Variants in NTAQ1 observed in about 807,000 individuals in gnomAD.
NTAQ1 encodes protein N-terminal glutamine amidohydrolase.
In NTAQ1, 21 loss-of-function variants were observed where a neutral mutation model predicts 28.2. The observed-to-expected ratio is 0.74, with a 90% CI of 0.53 to 1.07. The LOEUF is 1.07. NTAQ1 is among the 50% of genes least tolerant of loss of function. The pLI is 0.00. For missense variants in NTAQ1, 264 were observed against 256.6 expected, an observed-to-expected ratio of 1.03 and a Z score of -0.20; for synonymous variants, 105 against 90.0, an observed-to-expected ratio of 1.17 and a Z score of -0.94.
chr8:123,439,592 C>T (rs998647584), intron 5 of NTAQ1, among the ~76,000 whole-genome samples: 3 of 151,922 alleles, frequency 2.0e-5, no homozygotes, highest in South Asian at 2.1e-4. Context: ...GTGATCTGCC[C>T]GCCTCGGCCT....
At position 123,461,455 on chromosome 8, in the gene NTAQ1, A is replaced by G. The variant is rs555686304; in HGVS notation, c.373-5624A>G. On this transcript the variant is annotated intron_variant, in intron 6 of 6. Transcript: ENST00000650311. The stretch of plus-strand genomic sequence containing the variant: ...AACCCAATGCAGTTTCCAGATGATA[A>G]TATCTACACCCCGAGAGGTTATTTC... Among the ~76,000 whole-genome samples, 29 of 152,262 alleles carry G rather than the reference A, an allele frequency of 1.9e-4. No homozygotes were observed. In the South Asian group the frequency reaches 3.5e-3, roughly 19 times the overall value.
At chr8:123,449,158 A>G (rs1275565773), downstream of NTAQ1, among the ~76,000 whole-genome samples, 1 of 152,228 alleles carries the variant, frequency 6.6e-6, no homozygotes. Flanking sequence ...AACAGTGGAC[A>G]GCAGTGTTCT....
At position 123,441,373 on chromosome 8, in the gene NTAQ1, A is replaced by G. The variant is rs374504846; in HGVS notation, c.576A>G (p.Thr192=). Residue 192 remains threonine, a synonymous_variant, in exon 6 of 6, where the codon ACA becomes ACG. Transcript: ENST00000287387. ...AGGTAGGATGGGGCGCCGTCTACAC[A>G]CTATCCGAATTTACACATCGGTTTG... ...DPKVGWGAVY[T]LSEFTHRFGS... 11 of 1,612,078 alleles carry G rather than the reference A, an allele frequency of 6.8e-6. No homozygotes were observed. In the African/African-American group the frequency reaches 9.3e-5, roughly 14 times the overall value.
At chr8:123,464,538 C>A (rs1260036725) in intron 6 of NTAQ1, among the ~76,000 whole-genome samples, 1 of 152,188 alleles carries the variant, frequency 6.6e-6, no homozygotes, top group East Asian at 1.9e-4. Context: ...ACTCTCCCTC[C>A]CCAGGGGTAA....
At chr8:123,435,638 G>C (rs1223275924) in intron 3 of NTAQ1, 2 of 615,550 alleles carry the variant, frequency 3.2e-6, no homozygotes, top group South Asian at 7.2e-5. Flanking sequence ...AGGCTGAGGC[G>C]GGGGGATCAC....
At chr8:123,442,864 C>T (rs1429626656), downstream of NTAQ1, among the ~76,000 whole-genome samples, 1 of 148,188 alleles carries the variant, frequency 6.7e-6, no homozygotes, top group Non-Finnish European at 1.5e-5. Flanking sequence ...GACGTGGTTT[C>T]ACCACGTTGG....
chr8:123,449,353 G>A (rs751115337), downstream of NTAQ1, among the ~76,000 whole-genome samples: 9 of 152,178 alleles, frequency 5.9e-5, no homozygotes, highest in Non-Finnish European at 1.3e-4. Context: ...AGGGGCTTGT[G>A]TACATTCAGC....
chr8:123,419,395 G>A (rs1007590593), intron 1 of NTAQ1, among the ~76,000 whole-genome samples: 11 of 152,150 alleles, frequency 7.2e-5, no homozygotes, highest in Middle Eastern at 3.4e-3. Context: ...CACCGTGCCC[G>A]GCCATCCTGC....
chr8:123,441,986 T>A lies in NTAQ1; in HGVS notation c.*571T>A, dbSNP rs1264438136. 3 of 152,708 alleles carry A rather than the reference T, an allele frequency of 2.0e-5. No individual in the cohort carries two copies. Among genetic ancestry groups the A allele is most frequent in the Non-Finnish European group, 2.9e-5 (2 of 68,070 alleles). 9.5% of individuals were successfully genotyped at this position (152,708 alleles called of 1,614,324 possible). On this transcript the variant is annotated 3_prime_UTR_variant, in exon 6 of 6. Coordinates refer to ENST00000287387, the MANE Select transcript of NTAQ1 (RefSeq NM_018024.3). ...CAGACTTGAGCGTTAATTGGCTTAT[T>A]TATTTATGGCTTTAAATAAAATCGA...
intron 1 of NTAQ1, among the ~76,000 whole-genome samples, chr8:123,426,128 T>C (rs983466259): frequency 2.0e-5 from 3 of 152,212 alleles, no homozygotes; most frequent in African/African-American, 7.2e-5. Flanking sequence ...TGTATCTTAC[T>C]AGAAAAAGAT....
intron 6 of NTAQ1, among the ~76,000 whole-genome samples, chr8:123,458,746 G>A (rs1210560521): frequency 1.3e-5 from 2 of 149,934 alleles, no homozygotes. Flanking sequence ...TCAGCCTCCC[G>A]AGTAGCTGGG....
At chr8:123,467,436 A>T (rs978309793) in exon 7 of NTAQ1, among the ~76,000 whole-genome samples, 1 of 152,198 alleles carries the variant, frequency 6.6e-6, no homozygotes, top group Admixed American at 6.5e-5. Context: ...GTGTTATGAG[A>T]TTGTTAATGT....
chr8:123,450,343 T>C (rs1340285877), downstream of NTAQ1, among the ~76,000 whole-genome samples: 2 of 147,760 alleles, frequency 1.4e-5, no homozygotes, highest in African/African-American at 5.0e-5. Flanking sequence ...TTCAGTGGAG[T>C]GATGGGGATG....
At chr8:123,462,685 C>T (rs1563908210) in intron 6 of NTAQ1, among the ~76,000 whole-genome samples, 3 of 152,294 alleles carry the variant, frequency 2.0e-5, no homozygotes, top group South Asian at 4.1e-4. Flanking sequence ...AGAGGTCCCC[C>T]AGCTAGTAAG....
chr8:123,449,974 T>TATATATATATATATATATGA (rs371673968), downstream of NTAQ1, among the ~76,000 whole-genome samples: 2,701 of 55,856 alleles, frequency 0.048, 645 homozygotes, highest in East Asian at 0.12. Flanking sequence ...TATATATATA[T>TATATATATATATATATATGA]GCTGGATAAA....
At chr8:123,456,855 A>G (rs1815663668) in intron 6 of NTAQ1, among the ~76,000 whole-genome samples, 1 of 152,124 alleles carries the variant, frequency 6.6e-6, no homozygotes, top group African/African-American at 2.4e-5. Context: ...ATCCCCTTTG[A>G]CTTAGGAATT....
At chr8:123,449,949 G>GTGTGTGTATA (rs772958901), downstream of NTAQ1, among the ~76,000 whole-genome samples, 5 of 8,210 alleles carry the variant, frequency 6.1e-4, no homozygotes, top group East Asian at 0.014. Flanking sequence ...GTGTGTGTGT[G>GTGTGTGTATA]CATATATATA....
downstream of NTAQ1, among the ~76,000 whole-genome samples, chr8:123,473,262 C>T (rs1231182859): frequency 1.3e-5 from 2 of 151,734 alleles, no homozygotes; most frequent in Non-Finnish European, 2.9e-5. Context: ...ATCCATTACT[C>T]ACCTAGGGTA....
At chr8:123,468,385 C>G (rs966236958) in exon 7 of NTAQ1, among the ~76,000 whole-genome samples, 2 of 152,138 alleles carry the variant, frequency 1.3e-5, no homozygotes, top group African/African-American at 4.8e-5. Flanking sequence ...CTCTCCATAT[C>G]CCCCCACTAA....
Sources: allele counts gnomAD v4.1 joint callset (sites outside exome capture counted in the v4.1 genomes callset), GRCh38; gene constraint gnomAD v4.1.1; transcripts MANE v1.5; gene names NCBI Gene and HGNC (gene_info 2026-07-23, HGNC 2026-07-21).